Variants in ACACB observed in about 807,000 individuals in gnomAD.
ACACB encodes the protein acetyl-CoA carboxylase 2.
In ACACB, 209 loss-of-function variants were observed where a neutral mutation model predicts 278.8. The ratio of observed to expected loss-of-function variants is 0.75; its 90% CI spans 0.67 to 0.84. The LOEUF is 0.84. Ranked by LOEUF, ACACB falls within the 40% of genes least tolerant of loss-of-function variation. The pLI, the probability that ACACB is intolerant of heterozygous loss-of-function variation, is 0.00. For missense variants in ACACB, 2,850 were observed against 3,269.0 expected (o/e 0.87, Z 3.13); for synonymous variants, 1,174 against 1,285.6 (o/e 0.91, Z 1.86).
chr12:109,208,449 C>T (rs1340034791), intron 20 of ACACB, among the ~76,000 whole-genome samples: 2 of 152,098 alleles, frequency 1.3e-5, no homozygotes, highest in South Asian at 2.1e-4. Context: ...CTCAAGTGAT[C>T]CTCCCGCCTT....
At chr12:109,210,554 TAC>T (rs1388673102) in intron 21 of ACACB, among the ~76,000 whole-genome samples, 1 of 147,716 alleles carries the variant, frequency 6.8e-6, no homozygotes, top group Non-Finnish European at 1.5e-5. Flanking sequence ...CATGTATATA[TAC>T]ATATATACAT....
chr12:109,117,157 C>T (rs1267281846), intron 1 of ACACB, among the ~76,000 whole-genome samples: 1 of 146,724 alleles, frequency 6.8e-6, no homozygotes, highest in Non-Finnish European at 1.5e-5. Flanking sequence ...GTCAGGAGTT[C>T]GAGACCAGCC....
rs747084293 is a variant in ACACB at position 109,237,390 on chromosome 12, C to T, written c.4662+10C>T. 3.2e-5 allele frequency: 52 copies of T among 1,609,816 alleles called. No homozygotes were observed. Among genetic ancestry groups the T allele is most frequent in the Admixed American group, 1.4e-4 (8 of 59,190 alleles). On this transcript the variant is annotated intron_variant, in intron 34 of 52. Transcript: ENST00000338432. ...TGACCTGATCACAAAGGTAAGATGT[C>T]GCAGAGCATTTCTTCCTCTCTCAGA... is the stretch of plus-strand genomic sequence containing the variant.
Position 109,242,605 on chromosome 12 carries a change from G to A in ACACB, c.5178+13G>A. On this transcript the variant is annotated intron_variant, in intron 37 of 52. Coordinates refer to ENST00000338432, the MANE Select transcript of ACACB (RefSeq NM_001093.4). ...AATGTTCAGGCAGGCAAGTCCGGCG[G>A]CTCAGACGCGGTACCCCCTGGGTCC... 1.2e-6 allele frequency: 2 copies of A among 1,613,690 alleles called. No individual in the cohort carries two copies. Among genetic ancestry groups the A allele is most frequent in the Non-Finnish European group, 1.7e-6 (2 of 1,179,718 alleles).
chr12:109,166,669 A>C lies in ACACB; in HGVS notation c.654-192A>C, dbSNP rs1379596392. Reference sequence around the variant, plus strand: ...CGTCTCAAAAAAAAAAAAAAAAAAAAAAAAAAAACCGAAGGTGCTTCCTGC... The same window carrying C: ...CGTCTCAAAAAAAAAAAAAAAAAAACAAAAAAAACCGAAGGTGCTTCCTGC... On this transcript the variant is annotated intron_variant, in intron 2 of 52. Coordinates refer to ENST00000338432, the MANE Select transcript of ACACB (RefSeq NM_001093.4). 5.5e-5 allele frequency among the ~76,000 whole-genome samples: 8 copies of C among 145,118 alleles called. 1 individual carries two copies. Among genetic ancestry groups the C allele is most frequent in the Non-Finnish European group, 7.6e-5 (5 of 65,990 alleles).
intron 24 of ACACB, among the ~76,000 whole-genome samples, chr12:109,221,740 C>T (rs914763183): frequency 6.6e-6 from 1 of 152,070 alleles, no homozygotes; most frequent in African/African-American, 2.4e-5. Flanking sequence ...CCTCTTTGAG[C>T]CTCAGTGTTC....
intron 25 of ACACB, 44 bp downstream of exon 25, chr12:109,222,664 A>G (rs752416999): frequency 6.4e-7 from 1 of 1,555,040 alleles, no homozygotes; most frequent in Admixed American, 1.7e-5. Context: ...GTTTCCCCCC[A>G]CCCTCCTATG....
At chr12:109,233,369 A>C (rs974531798) in intron 29 of ACACB, among the ~76,000 whole-genome samples, 1 of 152,190 alleles carries the variant, frequency 6.6e-6, no homozygotes, top group African/African-American at 2.4e-5. Context: ...CAACAGCCTC[A>C]TGAGGCATAG....
intron 40 of ACACB, among the ~76,000 whole-genome samples, chr12:109,248,382 T>C (rs2047005358): frequency 6.6e-6 from 1 of 152,194 alleles, no homozygotes; most frequent in Non-Finnish European, 1.5e-5. Context: ...TGAAGTCCCA[T>C]GATAGGCTGT....
Position 109,260,562 on chromosome 12 carries a change from C to A in ACACB, c.6579C>A (p.Ile2193=). Residue 2193 remains isoleucine (I), a synonymous_variant, in exon 48 of 53, where the codon ATC becomes ATA. Transcript: ENST00000338432. ...RQYKQPILIY[I]PPYAELRGGS... ...ACAAACAGCCCATCCTGATCTATAT[C>A]CCGCCCTATGCGGAGCTCCGGGGAG... 2.5e-6 allele frequency: 4 copies of A among 1,614,136 alleles called. No homozygotes were observed. The highest frequency in any genetic ancestry group is 4.5e-5 in the East Asian group (2 of 44,886).
chr12:109,151,299 A>T (rs2043369634), intron 2 of ACACB, among the ~76,000 whole-genome samples: 1 of 152,010 alleles, frequency 6.6e-6, no homozygotes, highest in African/African-American at 2.4e-5. Context: ...AATGTTTTCT[A>T]GGAGCTTGGG....
rs181304253 is a variant in ACACB at position 109,142,430 on chromosome 12, G to A, written c.653+2372G>A. 1.1e-3 allele frequency among the ~76,000 whole-genome samples: 166 copies of A among 152,198 alleles called. 2 individuals are homozygous for A. The highest frequency in any genetic ancestry group is 3.8e-3 in the African/African-American group (158 of 41,512). On this transcript the variant is annotated intron_variant, in intron 2 of 52. Coordinates refer to ENST00000338432, the MANE Select transcript of ACACB (RefSeq NM_001093.4). ...TGGTAGATAATAAATAGAAAGGGGG[G>A]CAAGTCTCCCACCTTTCCACCCACT...
chr12:109,122,313 T>C (rs1287695253), intron 1 of ACACB, among the ~76,000 whole-genome samples: 1 of 152,212 alleles, frequency 6.6e-6, no homozygotes, highest in Non-Finnish European at 1.5e-5. Context: ...ACAATGATTA[T>C]AAAATGCTTC....
intron 2 of ACACB, among the ~76,000 whole-genome samples, chr12:109,155,447 G>A (rs184565729): frequency 3.4e-4 from 52 of 152,126 alleles, no homozygotes; most frequent in African/African-American, 1.2e-3. Flanking sequence ...TCATTTTATT[G>A]CACTTAAAAA....
chr12:109,265,933 G>A (rs776895731), intron 52 of ACACB, among the ~76,000 whole-genome samples: 1 of 152,228 alleles, frequency 6.6e-6, no homozygotes, highest in Non-Finnish European at 1.5e-5. Context: ...GGGTCACCCC[G>A]TGAAGGAGGG....
At chr12:109,164,965 A>G (rs886123784) in intron 2 of ACACB, among the ~76,000 whole-genome samples, 1 of 151,900 alleles carries the variant, frequency 6.6e-6, no homozygotes, top group Non-Finnish European at 1.5e-5. Context: ...AACACACAGG[A>G]GACAGGAAAC....
chr12:109,262,518 G>A (rs2047405675), intron 49 of ACACB, 49 bp downstream of exon 49: 1 of 1,250,616 alleles, frequency 8.0e-7, no homozygotes, highest in Non-Finnish European at 1.2e-6. Context: ...GAGAGGCCCA[G>A]CTGGCCCACT....
intron 24 of ACACB, among the ~76,000 whole-genome samples, chr12:109,221,084 C>T (rs1295424837): frequency 6.6e-6 from 1 of 152,092 alleles, no homozygotes; most frequent in Non-Finnish European, 1.5e-5. Context: ...TATGCCACCA[C>T]CGTTTAATAA....
chr12:109,166,678 C>CAAAAA (rs1491297525), intron 2 of ACACB, among the ~76,000 whole-genome samples, 183 bp from the exon 3 acceptor site: 2 of 68,186 alleles, frequency 2.9e-5, no homozygotes, highest in Non-Finnish European at 5.6e-5. Flanking sequence ...AAAAAAAAAA[C>CAAAAA]CGAAGGTGCT....
Sources: gnomAD v4.1 joint callset for allele counts (sites outside exome capture counted in the v4.1 genomes callset) on GRCh38, gnomAD v4.1.1 for gene constraint, MANE v1.5 for transcripts, NCBI Gene and HGNC (gene_info 2026-07-23, HGNC 2026-07-21) for gene names.